LARGE1: variants seen among roughly 807,000 people sequenced by gnomAD.
LARGE1 encodes the protein xylosyl- and glucuronyltransferase LARGE1.
LARGE1 carries 43 observed loss-of-function variants against 87.6 expected under a neutral mutation model. The observed-to-expected ratio is 0.49, with a 90% CI of 0.38 to 0.63. The LOEUF (loss-of-function observed/expected upper bound fraction) is 0.63. LARGE1 is among the 30% of genes least tolerant of loss of function. LARGE1 has a pLI of 0.00. For missense variants in LARGE1, 802 were observed against 1,000.2 expected, an observed-to-expected ratio of 0.80 and a Z score of 2.67; for synonymous variants, 434 against 394.6, an observed-to-expected ratio of 1.10 and a Z score of -1.18.
chr22:33,717,217 C>A (rs1055232225), intron 2 of LARGE1, among the ~76,000 whole-genome samples: 3 of 152,116 alleles, frequency 2.0e-5, no homozygotes, highest in African/African-American at 7.2e-5. Flanking sequence ...ATTCATCCAC[C>A]CATCTACCCC....
At chr22:33,262,956 G>A (rs1221479004) in intron 11 of LARGE1, among the ~76,000 whole-genome samples, 1 of 151,068 alleles carries the variant, frequency 6.6e-6, no homozygotes, top group African/African-American at 2.4e-5. Context: ...GCAGTGGACT[G>A]ATCTCAGCTC....
chr22:33,698,247 ATT>A (rs1334527669), intron 2 of LARGE1, among the ~76,000 whole-genome samples: 1 of 150,748 alleles, frequency 6.6e-6, no homozygotes, highest in Non-Finnish European at 1.5e-5. Context: ...TAATTTTTGT[ATT>A]TTTTTGTAGA....
In LARGE1 at chr22:33,600,376, T is replaced by G. The variant is rs572016431; in HGVS notation, c.615+4059A>C. On this transcript the variant is annotated intron_variant, in intron 5 of 14. Transcript: ENST00000397394. ...GTGAAAAACAGACGTGATCCTGGTT[T>G]GGGAGCTTACGGTATAGGAGATAGA... Among the ~76,000 whole-genome samples, 23 of 152,272 alleles carry G rather than the reference T, an allele frequency of 1.5e-4. 1 individual carries two copies. In the South Asian group the frequency reaches 4.6e-3, roughly 30 times the overall value.
chr22:33,772,060 G>T (rs1439962314), intron 1 of LARGE1, among the ~76,000 whole-genome samples: 1 of 152,146 alleles, frequency 6.6e-6, no homozygotes, highest in African/African-American at 2.4e-5. Context: ...TTGGCCAGGC[G>T]CGGCGGCTCA....
intron 6 of LARGE1, among the ~76,000 whole-genome samples, chr22:33,550,795 C>A (rs780553923): frequency 6.6e-5 from 10 of 152,160 alleles, no homozygotes; most frequent in Admixed American, 6.5e-5. Context: ...AATCAACCGA[C>A]GTGCCCATCA....
chr22:33,493,128 A>G (rs1400844816), intron 6 of LARGE1, among the ~76,000 whole-genome samples: 4 of 149,188 alleles, frequency 2.7e-5, no homozygotes, highest in African/African-American at 5.0e-5. Flanking sequence ...CTCTATCCAA[A>G]TGGATAGCTC....
At chr22:33,859,140 G>A (rs1283889745) in intron 1 of LARGE1, among the ~76,000 whole-genome samples, 2 of 152,004 alleles carry the variant, frequency 1.3e-5, no homozygotes, top group Non-Finnish European at 2.9e-5. Flanking sequence ...GTATACCTAT[G>A]TAACATAACT....
rs145570337 is a variant in LARGE1, at chr22:33,435,705, T to C, written c.788-3440A>G. ...GTCTTCATCTCCAGAGAAGGAATGA[T>C]TTTCATGGTTAACCTAAAGTCACGT... On this transcript the variant is annotated intron_variant, in intron 6 of 14. Transcript: ENST00000397394. 5.8e-3 allele frequency among the ~76,000 whole-genome samples: 886 copies of C among 152,302 alleles called. 2 individuals are homozygous for C. Among genetic ancestry groups the C allele is most frequent in the Non-Finnish European group, 9.3e-3 (635 of 68,024 alleles).
the LARGE1 span, among the ~76,000 whole-genome samples, chr22:33,068,637 T>C: frequency 6.6e-6 from 1 of 152,120 alleles, no homozygotes; most frequent in Non-Finnish European, 1.5e-5. Context: ...AGAGCAAGAC[T>C]GTGTCTCAAA....
At chr22:33,128,886 G>T in the LARGE1 span, among the ~76,000 whole-genome samples, 1 of 152,140 alleles carries the variant, frequency 6.6e-6, no homozygotes, top group South Asian at 2.1e-4. Context: ...ACAAGTGGGA[G>T]CTGAACAATG....
At chr22:33,213,607 C>G (rs142348283) in intron 11 of LARGE1, among the ~76,000 whole-genome samples, 50 of 152,184 alleles carry the variant, frequency 3.3e-4, no homozygotes, top group Non-Finnish European at 5.3e-4. Flanking sequence ...CAAGATCATC[C>G]GCCAGCAAAA....
the LARGE1 span, among the ~76,000 whole-genome samples, chr22:33,153,043 T>A: frequency 6.6e-6 from 1 of 152,170 alleles, no homozygotes; most frequent in Admixed American, 6.5e-5. Context: ...ATATTTCAAT[T>A]TCATCAACTT....
At chr22:33,499,757 T>A (rs373078915) in intron 6 of LARGE1, among the ~76,000 whole-genome samples, 1 of 152,182 alleles carries the variant, frequency 6.6e-6, no homozygotes, top group African/African-American at 2.4e-5. Flanking sequence ...GTATTAGATA[T>A]GTAAAGATAA....
chr22:33,905,091 C>G (rs1197703817), intron 1 of LARGE1, among the ~76,000 whole-genome samples: 3 of 123,106 alleles, frequency 2.4e-5, no homozygotes, highest in African/African-American at 9.5e-5. Context: ...TTTGAGACAG[C>G]ATCTTGCTCT....
chr22:33,833,772 C>T (rs765103739), intron 1 of LARGE1, among the ~76,000 whole-genome samples: 1 of 152,206 alleles, frequency 6.6e-6, no homozygotes, highest in African/African-American at 2.4e-5. Context: ...ACTGCAACCT[C>T]TGCCTCCTGG....
rs770084532 is a variant in LARGE1, at chr22:33,272,712, T to C, written c.*1715A>G. On this transcript the variant is annotated 3_prime_UTR_variant, in exon 15 of 15. Transcript: ENST00000397394. ...TCCGTGTAACATCCACTTGAGCATG[T>C]AACATCGTGAGTGATCTCACAAACC... The C allele has an allele frequency of 2.6e-5, 4 of 152,202 alleles. No individual in the cohort carries two copies. The highest frequency in any genetic ancestry group is 4.4e-5 in the Non-Finnish European group (3 of 68,044). The allele number at this position is 152,202 out of a possible 1,614,324, so 9.4% of individuals were successfully genotyped here.
At chr22:33,796,767 CTTT>C (rs35532520) in intron 1 of LARGE1, among the ~76,000 whole-genome samples, 6 of 106,050 alleles carry the variant, frequency 5.7e-5, no homozygotes, top group African/African-American at 1.1e-4. Flanking sequence ...AAGACTTGGG[CTTT>C]TTTTTTTTTT....
At chr22:33,649,071 C>T (rs1006907919) in intron 3 of LARGE1, among the ~76,000 whole-genome samples, 7 of 152,184 alleles carry the variant, frequency 4.6e-5, no homozygotes, top group African/African-American at 1.4e-4. Flanking sequence ...TGTTTCACAT[C>T]GTTCCTACTC....
intron 3 of LARGE1, among the ~76,000 whole-genome samples, chr22:33,645,144 C>T (rs2080566691): frequency 6.6e-6 from 1 of 152,174 alleles, no homozygotes; most frequent in African/African-American, 2.4e-5. Context: ...ATTATGCTAC[C>T]TGACTTCAAA....
Sources: gnomAD v4.1 joint callset for allele counts (sites outside exome capture counted in the v4.1 genomes callset) on GRCh38, gnomAD v4.1.1 for gene constraint, MANE v1.5 for transcripts, NCBI Gene and HGNC (gene_info 2026-07-23, HGNC 2026-07-21) for gene names.